The following CSMD1 variants were observed in gnomAD, a reference collection of about 807,000 sequenced individuals.
CSMD1 encodes the protein CUB and Sushi multiple domains 1.
Under a neutral mutation model 417.5 loss-of-function variants are expected in CSMD1, and 213 were observed. That is an observed-to-expected ratio of 0.51 (90% CI 0.46 to 0.57). The LOEUF is 0.57. CSMD1 is among the 20% of genes least tolerant of loss of function. The probability of loss-of-function intolerance (pLI) is 0.00; values close to 1 mark genes in which losing one functional copy is unlikely to be tolerated. For synonymous variants in CSMD1, 2,862 were observed against 1,736.8 expected, an observed-to-expected ratio of 1.65 and a Z score of -16.11; for missense variants, 6,923 against 4,529.7, an observed-to-expected ratio of 1.53 and a Z score of -15.17.
intron 51 of CSMD1, among the ~76,000 whole-genome samples, chr8:3,020,850 A>G (rs1470535093): frequency 1.3e-5 from 2 of 152,236 alleles, no homozygotes; most frequent in Non-Finnish European, 2.9e-5. Context: ...GGGGATTGCT[A>G]AACTATTACA....
chr8:3,130,697 T>G (rs1482179428), intron 41 of CSMD1, among the ~76,000 whole-genome samples: 1 of 151,744 alleles, frequency 6.6e-6, no homozygotes, highest in African/African-American at 2.4e-5. Context: ...CCATGTCTCC[T>G]TCCAGTCCTT....
At chr8:3,383,968 C>A (rs1046543994) in intron 18 of CSMD1, among the ~76,000 whole-genome samples, 12 of 152,108 alleles carry the variant, frequency 7.9e-5, no homozygotes, top group African/African-American at 2.4e-4. Context: ...AGAAGCTGGA[C>A]AAACAGGACC....
intron 3 of CSMD1, among the ~76,000 whole-genome samples, chr8:4,114,044 G>T (rs757581810): frequency 2.0e-5 from 3 of 152,238 alleles, no homozygotes; most frequent in Non-Finnish European, 4.4e-5. Context: ...TGATGAAGAC[G>T]GCTACAATAA....
chr8:3,522,461 A>G (rs996502957), intron 10 of CSMD1, among the ~76,000 whole-genome samples: 8 of 152,216 alleles, frequency 5.3e-5, no homozygotes, highest in African/African-American at 1.9e-4. Context: ...AGACAGCTGC[A>G]TTTACTTTTA....
chr8:3,866,811 T>A (rs1341854888), intron 5 of CSMD1, among the ~76,000 whole-genome samples: 1 of 152,178 alleles, frequency 6.6e-6, no homozygotes. Flanking sequence ...ATCCTTAATA[T>A]GAAGGACTTC....
chr8:4,269,467 A>G (rs1804434031), intron 3 of CSMD1, among the ~76,000 whole-genome samples: 1 of 152,108 alleles, frequency 6.6e-6, no homozygotes, highest in African/African-American at 2.4e-5. Context: ...TTTTTATCAG[A>G]GCTCATGTAT....
At chr8:3,371,614 T>C (rs1392719254) in intron 18 of CSMD1, among the ~76,000 whole-genome samples, 1 of 152,154 alleles carries the variant, frequency 6.6e-6, no homozygotes, top group Non-Finnish European at 1.5e-5. Flanking sequence ...CATTCTGAAT[T>C]ATGTTTTATA....
intron 1 of CSMD1, among the ~76,000 whole-genome samples, chr8:4,812,655 A>G (rs1214911273): frequency 6.6e-6 from 1 of 152,206 alleles, no homozygotes; most frequent in African/African-American, 2.4e-5. Flanking sequence ...AAAGATTCTT[A>G]TTCTCTATAA....
chr8:3,118,527 G>C lies in CSMD1; in HGVS notation c.6302C>G (p.Ser2101Trp), dbSNP rs925549356. ...TACTGATTGCCCCACGCTGTAATCC[G>C]AGTTGATCATGTACCCATTCTGAAA... is the stretch of plus-strand genomic sequence containing the variant. ...PPFQNGYMIN[S>W]DYSVGQSVSF... The change falls in exon 42 of 70, where the codon TCG becomes TGG. Residue 2101 changes from serine (S) to tryptophan (W), a missense_variant. By Grantham distance (177) the Ser-to-Trp change is radical. Transcript: ENST00000635120. 6 of 1,613,780 alleles carry C rather than the reference G, an allele frequency of 3.7e-6. No individual in the cohort carries two copies. The highest frequency in any genetic ancestry group is 1.3e-5 in the African/African-American group (1 of 74,916).
chr8:4,830,085 C>G (rs900881478), intron 1 of CSMD1, among the ~76,000 whole-genome samples: 1 of 152,172 alleles, frequency 6.6e-6, no homozygotes, highest in African/African-American at 2.4e-5. Context: ...CAGGGATACC[C>G]AGGTACTGAA....
intron 58 of CSMD1, among the ~76,000 whole-genome samples, 163 bp from the exon 59 acceptor site, chr8:2,966,117 G>A (rs1032806049): frequency 3.3e-5 from 5 of 151,600 alleles, no homozygotes; most frequent in Admixed American, 6.6e-5. Context: ...TCACTGACCC[G>A]CTGTCAGAAG....
At chr8:4,080,787 CCTCT>C (rs1396368032) in intron 3 of CSMD1, among the ~76,000 whole-genome samples, 1 of 152,096 alleles carries the variant, frequency 6.6e-6, no homozygotes. Context: ...TTACCACACC[CCTCT>C]CTAAGTATTT....
intron 18 of CSMD1, among the ~76,000 whole-genome samples, chr8:3,380,410 A>T (rs1299908983): frequency 6.6e-6 from 1 of 152,210 alleles, no homozygotes; most frequent in African/African-American, 2.4e-5. Context: ...AAGGATTATA[A>T]ATCATTCTAC....
intron 1 of CSMD1, among the ~76,000 whole-genome samples, chr8:4,688,817 C>A (rs562151803): frequency 4.7e-4 from 71 of 152,286 alleles, no homozygotes; most frequent in African/African-American, 1.6e-3. Flanking sequence ...CTGTAAACAT[C>A]GCAAGTGGTC....
intron 26 of CSMD1, among the ~76,000 whole-genome samples, chr8:3,275,209 A>T (rs1802186426): frequency 6.6e-6 from 1 of 152,168 alleles, no homozygotes; most frequent in South Asian, 2.1e-4. Flanking sequence ...GCTGGATATG[A>T]AATTCTGGGT....
chr8:4,696,812 A>C (rs1807163613), intron 1 of CSMD1, among the ~76,000 whole-genome samples: 1 of 152,226 alleles, frequency 6.6e-6, no homozygotes, highest in African/African-American at 2.4e-5. Context: ...AAATTTATTA[A>C]ATTTCATTCC....
chr8:3,432,886 C>G (rs1814307762), intron 12 of CSMD1, among the ~76,000 whole-genome samples: 1 of 152,058 alleles, frequency 6.6e-6, no homozygotes. Flanking sequence ...CAGAGTAATG[C>G]CTAAACACAC....
chr8:3,393,427 G>A (rs1035441956), intron 17 of CSMD1, among the ~76,000 whole-genome samples: 1 of 152,196 alleles, frequency 6.6e-6, no homozygotes, highest in Admixed American at 6.5e-5. Context: ...TGTATAAACA[G>A]GCATCATCTT....
intron 2 of CSMD1, among the ~76,000 whole-genome samples, chr8:4,508,104 C>T (rs1217685): frequency 7.2e-6 from 1 of 138,864 alleles, no homozygotes; most frequent in African/African-American, 2.7e-5. Context: ...AAAAAAAAAA[C>T]CCCAAAAAAC....
Sources: allele counts gnomAD v4.1 joint callset (sites outside exome capture counted in the v4.1 genomes callset), GRCh38; gene constraint gnomAD v4.1.1; transcripts MANE v1.5; gene names NCBI Gene and HGNC (gene_info 2026-07-23, HGNC 2026-07-21).